Variants in TTN observed in about 807,000 individuals in gnomAD.
TTN encodes the protein titin, also known as connectin.
In TTN, 1,525 loss-of-function variants were observed where a neutral mutation model predicts 3,223.0. The observed-to-expected ratio is 0.47, with a 90% CI of 0.45 to 0.49. The LOEUF is 0.49. Among genes scored for constraint, TTN ranks in the 20% least tolerant of loss-of-function variants. TTN has a pLI of 0.00. For synonymous variants in TTN, 14,094 were observed against 15,161.0 expected (o/e 0.93, Z 5.17); for missense variants, 40,786 against 43,424.0 (o/e 0.94, Z 5.40).
In TTN at chr2:178,547,225, G is replaced by A. The variant is rs773946401; in HGVS notation, c.94300C>T (p.His31434Tyr). ...AMSIRWEEPY[H>Y]DGGSKIIGYW... Reference sequence around the variant, plus strand: ...CCAATGATTTTACTGCCACCATCGTGGTAGGGTTCTTCCCAACGAATAGAC... The same window carrying A: ...CCAATGATTTTACTGCCACCATCGTAGTAGGGTTCTTCCCAACGAATAGAC... Residue 31434 changes from histidine to tyrosine, a missense_variant, in exon 340 of 363, where the codon CAC (histidine) becomes TAC (tyrosine). Transcript: ENST00000589042. The A allele has an allele frequency of 3.7e-6, 6 of 1,613,674 alleles. No individual in the cohort carries two copies. The South Asian group carries it at 6.6e-5, about 18-fold the overall frequency.
rs936332464 is a variant in TTN, at chr2:178,597,524, T to C, written c.57544+14A>G. On this transcript the variant is annotated intron_variant, in intron 294 of 362. Transcript: ENST00000589042. Reference sequence around the variant, plus strand: ...TGGTTTAAAAAGTTGCACAGACAAATTGAAAGTATTTACCTAATACATCAA... The same window carrying C: ...TGGTTTAAAAAGTTGCACAGACAAACTGAAAGTATTTACCTAATACATCAA... 24 of 1,603,854 alleles carry C rather than the reference T, an allele frequency of 1.5e-5. No homozygotes were observed. Among genetic ancestry groups the C allele is most frequent in the Non-Finnish European group, 2.0e-5 (24 of 1,175,576 alleles).
rs759036717 is a variant in TTN at position 178,667,232 on chromosome 2, A to G, written c.35797+4T>C. 1.9e-6 allele frequency: 3 copies of G among 1,592,194 alleles called. No homozygotes were observed. Among genetic ancestry groups the G allele is most frequent in the East Asian group, 2.3e-5 (1 of 44,310 alleles). On this transcript the variant is annotated splice_donor_region_variant and intron_variant, in intron 162 of 362. Transcript: ENST00000589042. ...TTTAGATTTTCCTAACTAGAGAATTATACCTTCAGTTGGAGGATGTTCTGG... is the reference window on the plus strand; with the variant it reads ...TTTAGATTTTCCTAACTAGAGAATTGTACCTTCAGTTGGAGGATGTTCTGG...
Position 178,569,240 on chromosome 2 carries a change from G to C in TTN, c.76892C>G (p.Ser25631Cys). 4 of 1,603,176 alleles carry C rather than the reference G, an allele frequency of 2.5e-6. No individual in the cohort carries two copies. In the South Asian group the frequency reaches 4.5e-5, roughly 18 times the overall value. ...CTCAACAATGTAATTTTTTATTTTG[G>C]ATCCCCCATCCAACAAAGGAGGTTC... ...TWEPPLLDGGSKIKNYIVEKR... is the reference protein window; with the variant it reads ...TWEPPLLDGGCKIKNYIVEKR... The change falls in exon 326 of 363, where the codon TCC becomes TGC. Residue 25631 changes from serine to cysteine, a missense_variant. Ser to Cys is a moderately radical substitution (Grantham distance 112). Coordinates refer to ENST00000589042, the MANE Select transcript of TTN (RefSeq NM_001267550.2).
rs74504943 is a variant in TTN, at chr2:178,770,878, A to G, written c.8117-203T>C. The stretch of plus-strand genomic sequence containing the variant: ...AACTGGACATGTACATCGTGAAATG[A>G]TTTTTCTATGCTTTAGTAGTATGAA... On this transcript the variant is annotated intron_variant, in intron 34 of 362. Transcript: ENST00000589042. The G allele has an allele frequency of 2.3e-3, 1,946 of 838,882 alleles. 5 individuals are homozygous for G. Among genetic ancestry groups the G allele is most frequent in the Non-Finnish European group, 3.6e-3 (1,740 of 487,730 alleles). 52.0% of individuals were successfully genotyped at this position (838,882 alleles called of 1,614,324 possible). A position where few individuals can be genotyped will look rare whatever the true frequency, so the allele number is the denominator to read the frequency against.
chr2:178,664,418 C>T (rs775393903), intron 168 of TTN, 42 bp downstream of exon 168: 1 of 1,466,886 alleles, frequency 6.8e-7, no homozygotes, highest in Non-Finnish European at 9.4e-7. Flanking sequence ...TTTCTATCGC[C>T]CCACCCACTA....
intron 241 of TTN, 84 bp downstream of exon 241, chr2:178,625,189 C>G (rs2058845986): frequency 1.4e-6 from 2 of 1,476,262 alleles, no homozygotes; most frequent in Non-Finnish European, 1.8e-6. Context: ...ATCTATAGTA[C>G]TCATCATATA....
chr2:178,729,118 C>G lies in TTN; in HGVS notation c.18920G>C (p.Ser6307Thr), dbSNP rs758691112. ...KIENTTTVLK[S>T]SATFQSTVAG... ...CACGGTACTCTGAAAGGTGGCAGAA[C>G]TTTTCAAAACAGTAGTGGTATTTTC... The change falls in exon 65 of 363, where the codon AGT (serine) becomes ACT (threonine). Residue 6307 changes from serine (S) to threonine (T), a missense_variant. Coordinates refer to ENST00000589042, the MANE Select transcript of TTN (RefSeq NM_001267550.2). 1.2e-6 allele frequency: 2 copies of G among 1,608,082 alleles called. No individual in the cohort carries two copies. Among genetic ancestry groups the G allele is most frequent in the East Asian group, 4.5e-5 (2 of 44,686 alleles).
rs1302062003 is a variant in TTN, at chr2:178,592,657, G to T, written c.59348C>A (p.Pro19783His). Residue 19783 changes from proline (P) to histidine (H), a missense_variant, in exon 301 of 363, where the codon CCC (proline) becomes CAC (histidine). Coordinates refer to ENST00000589042, the MANE Select transcript of TTN (RefSeq NM_001267550.2). ...EPVLVKDRLEPPELILDANMA... is the reference protein window; with the variant it reads ...EPVLVKDRLEHPELILDANMA... ...GTTGGCATCAAGAATCAACTCAGGG[G>T]GTTCTAGAATAAAGAGAACAGAACA... 1.9e-6 allele frequency: 3 copies of T among 1,612,606 alleles called. No individual in the cohort carries two copies. The African/African-American group carries it at 4.0e-5, about 22-fold the overall frequency.
rs12693164 is a variant in TTN at position 178,714,366 on chromosome 2, T to C, written c.26408A>G (p.Asn8803Ser). Residue 8803 changes from asparagine to serine, a missense_variant, in exon 91 of 363, where the codon AAT (asparagine) becomes AGT (serine). By Grantham distance (46) the Asn-to-Ser change is conservative (BLOSUM62 1). Coordinates refer to ENST00000589042, the MANE Select transcript of TTN (RefSeq NM_001267550.2). ...GATCTGACAAGTGTATTTTCCAGCATTGGCTGGTTCCACTCTTGAAAACTG... is the reference window on the plus strand; with the variant it reads ...GATCTGACAAGTGTATTTTCCAGCACTGGCTGGTTCCACTCTTGAAAACTG... ...TLQFSRVEPA[N>S]AGKYTCQIKN... 0.16 allele frequency: 265,725 copies of C among 1,613,708 alleles called. 24,588 individuals carry two copies. Among genetic ancestry groups the C allele is most frequent in the East Asian group, 0.44 (19,874 of 44,866 alleles).
Position 178,698,911 on chromosome 2 carries a change from G to T in TTN, c.30686C>A (p.Thr10229Asn), listed in dbSNP as rs2074219859. Residue 10229 changes from threonine to asparagine, a missense_variant, in exon 112 of 363, where the codon ACC becomes AAC. Coordinates refer to ENST00000589042, the MANE Select transcript of TTN (RefSeq NM_001267550.2). ...KKPPPKRIEV[T>N]KKAVKKDAKK... ...GGCATCTTTCTTCACAGCCTTTTTG[G>T]TAACTAAAAAAAAAAAAAAAGAAAA... The T allele has an allele frequency of 4.7e-6, 7 of 1,476,430 alleles. No homozygotes were observed. The highest frequency in any genetic ancestry group is 2.5e-5 in the Admixed American group (1 of 39,692). The allele number at this position is 1,476,430 out of a possible 1,614,324, so 91.5% of individuals were successfully genotyped here.
intron 45 of TTN, 97 bp downstream of exon 45, chr2:178,757,445 A>G (rs1432930824): frequency 9.1e-6 from 13 of 1,423,808 alleles, no homozygotes; most frequent in Non-Finnish European, 1.2e-5. Context: ...GACTGACCAC[A>G]GTATGCAATA....
At position 178,597,963 on chromosome 2, in the gene TTN, A is replaced by C. The variant is rs1312323452; in HGVS notation, c.57207T>G (p.Ala19069=). The C allele has an allele frequency of 3.7e-6, 6 of 1,613,282 alleles. No homozygotes were observed. Among genetic ancestry groups the C allele is most frequent in the Admixed American group, 1.7e-5 (1 of 59,938 alleles). Residue 19069 remains alanine (A), a synonymous_variant, in exon 293 of 363, where the codon GCT becomes GCG. Coordinates refer to ENST00000589042, the MANE Select transcript of TTN (RefSeq NM_001267550.2). ...YKFRVRAVNI[A]GIGEPGEVTD... ...TGACCTCTCCAGGTTCTCCAATGCC[A>C]GCAATGTTGACTGCTCTAACTCTAA...
At position 178,733,276 on chromosome 2, in the gene TTN, C is replaced by T. The variant is rs587780989; in HGVS notation, c.16017G>A (p.Val5339=). Residue 5339 remains valine, a synonymous_variant, in exon 54 of 363, where the codon GTG becomes GTA. Transcript: ENST00000589042. ...GQYTFEISNE[V]GSSSCETTFT... is the part of the protein sequence containing the mutation. The stretch of plus-strand genomic sequence containing the variant: ...ATGTAGTCTCACAGGAGCTGCTGCC[C>T]ACTTCATTGGAAATCTCAAATGTGT... 5 of 1,610,774 alleles carry T rather than the reference C, an allele frequency of 3.1e-6. No homozygotes were observed. In the African/African-American group the frequency reaches 5.3e-5, roughly 17 times the overall value.
chr2:178,748,705 T>TC (rs745796232), intron 47 of TTN: 13 of 1,612,778 alleles, frequency 8.1e-6, no homozygotes, highest in Non-Finnish European at 1.1e-5. Context: ...CATGTTCAGC[T>TC]CTTTTAGAAA....
Position 178,718,903 on chromosome 2 carries a change from A to C in TTN, c.24297T>G (p.Ser8099Arg), listed in dbSNP as rs1289470566. 1.2e-6 allele frequency: 2 copies of C among 1,613,218 alleles called. No individual in the cohort carries two copies. The change falls in exon 84 of 363, where the codon AGT becomes AGG. Residue 8099 changes from serine to arginine, a missense_variant. Transcript: ENST00000589042. ...VLPGMSLTFT[S>R]VIRGTPPFKV... ...TGAAAGGAGGGGTGCCTCTGATGAC[A>C]CTGGTGAATGTGAGGCTCATTCCAG...
rs796255119 is a variant in TTN at position 178,728,928 on chromosome 2, T to C, written c.19110A>G (p.Ser6370=). The change falls in exon 65 of 363, where the codon TCA becomes TCG. Residue 6370 remains serine (S), a synonymous_variant. Transcript: ENST00000589042. ...GRYTCQAKNE[S]GVERCYAFLL... ...GGAAAGCATAACACCTCTCAACTCC[T>C]GACTCATTCTTGGCTTGACAGGTAT... The C allele has an allele frequency of 6.2e-7, 1 of 1,611,126 alleles. No homozygotes were observed. Among genetic ancestry groups the C allele is most frequent in the Non-Finnish European group, 8.5e-7 (1 of 1,178,394 alleles).
In TTN at chr2:178,563,271, T is replaced by A. The variant is rs1483279055; in HGVS notation, c.82861A>T (p.Thr27621Ser). ...EAAADEWTTC[T>S]PPTGLQGKQF... ...TTTCCTTGTAATCCTGTTGGTGGAG[T>A]GCAGGTTGTCCATTCATCCGCAGCA... is the stretch of plus-strand genomic sequence containing the variant. Residue 27621 changes from threonine to serine, a missense_variant, in exon 326 of 363, where the codon ACT (threonine) becomes TCT (serine). By Grantham distance (58) the Thr-to-Ser change is moderately conservative. Transcript: ENST00000589042. This position sits in a 1 kb window ranked among gnomAD's most constrained non-coding sequence, Gnocchi z 4.5. 1.9e-6 allele frequency: 3 copies of A among 1,613,512 alleles called. No individual in the cohort carries two copies. In the African/African-American group the frequency reaches 4.0e-5, roughly 22 times the overall value.
chr2:178,729,960 A>G lies in TTN; in HGVS notation c.18308-15T>C. ...TTGAGGAGGTTCTAAAGATGGAAAA[A>G]GAATTGTGATGTTGAATATTTTTAA... is the stretch of plus-strand genomic sequence containing the variant. On this transcript the variant is annotated splice_polypyrimidine_tract_variant and intron_variant, in intron 62 of 362. Coordinates refer to ENST00000589042, the MANE Select transcript of TTN (RefSeq NM_001267550.2). 6.2e-7 allele frequency: 1 copy of G among 1,606,376 alleles called. No homozygotes were observed. Among genetic ancestry groups the G allele is most frequent in the Non-Finnish European group, 8.5e-7 (1 of 1,177,120 alleles).
At chr2:178,611,735 T>A (rs1467115878) in intron 268 of TTN, 23 bp downstream of exon 268, 1 of 1,611,366 alleles carries the variant, frequency 6.2e-7, no homozygotes, top group Non-Finnish European at 8.5e-7. Flanking sequence ...GACAATATCT[T>A]GTGTATAATC....
Sources: allele counts gnomAD v4.1 joint callset, GRCh38; gene constraint gnomAD v4.1.1; non-coding constraint Gnocchi (gnomAD v3.1); transcripts MANE v1.5; gene names NCBI Gene and HGNC (gene_info 2026-07-23, HGNC 2026-07-21).